Variants in OPCML observed in about 807,000 individuals in gnomAD.
OPCML encodes the protein opioid-binding protein/cell adhesion molecule.
Under a neutral mutation model 37.8 loss-of-function variants are expected in OPCML, and 13 were observed. The ratio of observed to expected loss-of-function variants is 0.34; its 90% CI spans 0.22 to 0.55. OPCML has a LOEUF of 0.55. Among genes scored for constraint, OPCML ranks in the 20% least tolerant of loss-of-function variants. OPCML has a pLI of 0.91. For missense variants in OPCML, 341 were observed against 435.6 expected (o/e 0.78, Z 1.93); for synonymous variants, 176 against 168.8 (o/e 1.04, Z -0.33).
At chr11:133,292,817 C>T (rs976220757) in intron 1 of OPCML, among the ~76,000 whole-genome samples, 4 of 151,306 alleles carry the variant, frequency 2.6e-5, no homozygotes, top group Non-Finnish European at 4.5e-5. Context: ...TCACTCCCTA[C>T]CACCTGGCAT....
chr11:132,455,453 G>A (rs545042384), intron 4 of OPCML, among the ~76,000 whole-genome samples: 10 of 152,266 alleles, frequency 6.6e-5, no homozygotes, highest in Admixed American at 3.3e-4. Context: ...GAAACAAATA[G>A]GACTTGAGGT....
intron 1 of OPCML, among the ~76,000 whole-genome samples, chr11:133,020,205 A>G (rs556222304): frequency 6.6e-4 from 101 of 152,298 alleles, no homozygotes; most frequent in African/African-American, 2.4e-3. Context: ...CTACATAAAT[A>G]TACGTAGAAA....
At chr11:132,515,636 C>G (rs766999408) in intron 4 of OPCML, among the ~76,000 whole-genome samples, 9 of 152,216 alleles carry the variant, frequency 5.9e-5, no homozygotes, top group Non-Finnish European at 7.3e-5. Flanking sequence ...AGAGCCCACT[C>G]TAGTTAAAAT....
At chr11:133,443,173 G>T (rs952854046) in intron 1 of OPCML, among the ~76,000 whole-genome samples, 2 of 152,146 alleles carry the variant, frequency 1.3e-5, no homozygotes, top group Admixed American at 1.3e-4. Context: ...GTCATGGCAG[G>T]GATACCCATC....
chr11:133,493,037 G>A (rs1396659894), intron 1 of OPCML, among the ~76,000 whole-genome samples: 1 of 152,184 alleles, frequency 6.6e-6, no homozygotes, highest in African/African-American at 2.4e-5. Context: ...CAGTCCTTCG[G>A]AGCCCAGTAT....
At chr11:133,457,375 T>A (rs192409833) in intron 1 of OPCML, among the ~76,000 whole-genome samples, 2 of 151,632 alleles carry the variant, frequency 1.3e-5, no homozygotes, top group Admixed American at 1.3e-4. Context: ...CTGCAAAAAA[T>A]AAAAAATTTA....
At chr11:133,393,394 G>C (rs1246207607) in intron 1 of OPCML, among the ~76,000 whole-genome samples, 2 of 152,196 alleles carry the variant, frequency 1.3e-5, no homozygotes, top group Non-Finnish European at 2.9e-5. Context: ...CTTGGTGTTT[G>C]AGGTGACCTT....
chr11:132,750,794 CTT>C (rs762942241), intron 2 of OPCML, among the ~76,000 whole-genome samples: 3 of 144,212 alleles, frequency 2.1e-5, no homozygotes, highest in Non-Finnish European at 4.6e-5. Flanking sequence ...TAAAGAAAAC[CTT>C]TTTTTTTTTT....
intron 1 of OPCML, among the ~76,000 whole-genome samples, chr11:133,124,837 C>G (rs1006869631): frequency 1.3e-5 from 2 of 152,120 alleles, no homozygotes; most frequent in Non-Finnish European, 2.9e-5. Flanking sequence ...AGTGTAGGAA[C>G]CTGAATAATC....
At chr11:133,344,602 CA>C in intron 1 of OPCML, among the ~76,000 whole-genome samples, 1 of 152,154 alleles carries the variant, frequency 6.6e-6, no homozygotes, top group Non-Finnish European at 1.5e-5. Context: ...GCTCCTGCAC[CA>C]AAAACAACTC....
chr11:132,738,870 G>C (rs968503840), intron 2 of OPCML, among the ~76,000 whole-genome samples: 1 of 152,142 alleles, frequency 6.6e-6, no homozygotes, highest in African/African-American at 2.4e-5. Flanking sequence ...AGAAAGGTGA[G>C]AATGTCAAGA....
chr11:132,763,736 T>G (rs1306153947), intron 2 of OPCML, among the ~76,000 whole-genome samples: 5 of 152,014 alleles, frequency 3.3e-5, no homozygotes, highest in Non-Finnish European at 7.4e-5. Flanking sequence ...CCCTGGAGAG[T>G]GCTCTTGGTG....
intron 1 of OPCML, among the ~76,000 whole-genome samples, chr11:133,354,243 G>A (rs201315404): frequency 0.01 from 1,409 of 138,544 alleles, no homozygotes; most frequent in South Asian, 0.018. Flanking sequence ...TGATGGTGGT[G>A]ATAATGGTGA....
intron 2 of OPCML, among the ~76,000 whole-genome samples, chr11:132,941,803 G>C (rs942173309): frequency 2.6e-5 from 4 of 152,118 alleles, no homozygotes; most frequent in Admixed American, 1.3e-4. Flanking sequence ...TTCACCCTTG[G>C]GCTTAGAAAA....
intron 1 of OPCML, among the ~76,000 whole-genome samples, chr11:133,096,033 T>C: frequency 6.6e-6 from 1 of 151,982 alleles, no homozygotes; most frequent in East Asian, 1.9e-4. Context: ...GAAGAATGAA[T>C]AAGTAAAATC....
At chr11:133,458,749 A>ATATATACACATAGATGCACGTGTGTG (rs1565645870) in intron 1 of OPCML, among the ~76,000 whole-genome samples, 25 of 30,920 alleles carry the variant, frequency 8.1e-4, no homozygotes, top group Admixed American at 2.6e-3. Flanking sequence ...ACGTGTGTGT[A>ATATATACACATAGATGCACGTGTGTG]TATATACACA....
chr11:132,690,437 T>C (rs1419812021), intron 2 of OPCML, among the ~76,000 whole-genome samples: 1 of 152,328 alleles, frequency 6.6e-6, no homozygotes, highest in East Asian at 1.9e-4. Flanking sequence ...CAATGCATTA[T>C]CATCTCCGAG....
intron 1 of OPCML, among the ~76,000 whole-genome samples, chr11:133,381,889 A>G (rs966679080): frequency 8.5e-5 from 13 of 152,180 alleles, no homozygotes; most frequent in African/African-American, 3.1e-4. Flanking sequence ...GTAGTCTGGG[A>G]AGTATCACTC....
intron 1 of OPCML, among the ~76,000 whole-genome samples, chr11:133,314,597 G>A (rs1943159070): frequency 6.6e-6 from 1 of 150,784 alleles, no homozygotes; most frequent in Non-Finnish European, 1.5e-5. Flanking sequence ...CACAGTCCAC[G>A]CTGCCATCAT....
Sources: allele counts gnomAD v4.1 joint callset (sites outside exome capture counted in the v4.1 genomes callset), GRCh38; gene constraint gnomAD v4.1.1; transcripts MANE v1.5; gene names NCBI Gene and HGNC (gene_info 2026-07-23, HGNC 2026-07-21).